The following FXR1 variants were observed in gnomAD, a reference collection of about 807,000 sequenced individuals.
FXR1 encodes RNA-binding protein FXR1.
In FXR1, 15 loss-of-function variants were observed where a neutral mutation model predicts 84.0. The observed-to-expected ratio is 0.18, with a 90% CI of 0.12 to 0.27. The LOEUF (loss-of-function observed/expected upper bound fraction) is 0.27. FXR1 is among the 10% of genes least tolerant of loss of function. The pLI is 1.00. For missense variants in FXR1, 480 were observed against 774.4 expected (o/e 0.62, Z 4.51); for synonymous variants, 245 against 250.7 (o/e 0.98, Z 0.21).
Position 180,979,758 on chromosome 3 carries a change from C to T in FXR1, c.*3466C>T, listed in dbSNP as rs980063341. ...CATTACACTGAACAGTAGGAAATTA[C>T]CACTTTTGTAAGGCTCAAAAATGAT... On this transcript the variant is annotated 3_prime_UTR_variant, in exon 17 of 17. Transcript: ENST00000357559. The T allele has an allele frequency of 6.6e-6, 1 of 152,106 alleles. No individual in the cohort carries two copies. Among genetic ancestry groups the T allele is most frequent in the South Asian group, 2.1e-4 (1 of 4,816 alleles). 9.4% of individuals were successfully genotyped at this position (152,106 alleles called of 1,614,324 possible).
rs1260346148 is a variant in FXR1, at chr3:180,977,110, AAT to A, written c.*821_*822del. 6.7e-6 allele frequency: 1 copy of A among 148,228 alleles called. No homozygotes were observed. Among genetic ancestry groups the A allele is most frequent in the Non-Finnish European group, 1.5e-5 (1 of 67,088 alleles). 9.2% of individuals were successfully genotyped at this position (148,228 alleles called of 1,614,324 possible). A position where few individuals can be genotyped will look rare whatever the true frequency, so the allele number is the denominator to read the frequency against. ...TTTTTATTTCGGTTGTTTGATGTGCAATATGTTTTTGTATGCAGGTAGTAAAT... is the reference window on the plus strand; with the variant it reads ...TTTTTATTTCGGTTGTTTGATGTGCAATGTTTTTGTATGCAGGTAGTAAAT... On this transcript the variant is annotated 3_prime_UTR_variant, in exon 17 of 17. Transcript: ENST00000357559.
intron 15 of FXR1, chr3:180,971,341 AGT>A (rs1260737129): frequency 5.8e-6 from 1 of 172,920 alleles, no homozygotes; most frequent in Non-Finnish European, 1.3e-5. Flanking sequence ...CTTCCTTCAC[AGT>A]GTGTTAGTAA....
intron 3 of FXR1, among the ~76,000 whole-genome samples, chr3:180,938,971 C>A (rs996439211): frequency 6.6e-6 from 1 of 152,030 alleles, no homozygotes; most frequent in Admixed American, 6.6e-5. Flanking sequence ...TCTCAGTTCA[C>A]TGCAACCTCC....
At chr3:180,952,019 T>TA (rs1449913325) in intron 8 of FXR1, among the ~76,000 whole-genome samples, 9 of 152,286 alleles carry the variant, frequency 5.9e-5, no homozygotes, top group African/African-American at 2.2e-4. Flanking sequence ...CAGGGCAACA[T>TA]AGAGTTTAGA....
intron 3 of FXR1, among the ~76,000 whole-genome samples, chr3:180,939,155 A>G (rs1261538529): frequency 6.6e-6 from 1 of 152,008 alleles, no homozygotes; most frequent in African/African-American, 2.4e-5. Flanking sequence ...CGGCCTCCCA[A>G]AGTGCTGAGA....
At chr3:180,970,965 GTTTAA>G (rs1713487718) in intron 15 of FXR1, 2 of 221,586 alleles carry the variant, frequency 9.0e-6, no homozygotes, top group South Asian at 1.2e-4. Flanking sequence ...TTATTTTTGT[GTTTAA>G]TTAAAAGTTT....
At position 180,948,107 on chromosome 3, in the gene FXR1, A is replaced by G. The variant is rs578143796; in HGVS notation, c.270+171A>G. On this transcript the variant is annotated intron_variant, in intron 4 of 16. Transcript: ENST00000357559. ...TTTCTGTTTGTGTTCTGTATTGGCAAACACCAAAGCTGCTCTCCAGAGGTA... is the reference window on the plus strand; with the variant it reads ...TTTCTGTTTGTGTTCTGTATTGGCAGACACCAAAGCTGCTCTCCAGAGGTA... 3 of 607,896 alleles carry G rather than the reference A, an allele frequency of 4.9e-6. No homozygotes were observed. The highest frequency in any genetic ancestry group is 3.7e-5 in the African/African-American group (2 of 53,866). 37.7% of individuals were successfully genotyped at this position (607,896 alleles called of 1,614,324 possible).
rs1480471880 is a variant in FXR1 at position 180,963,080 on chromosome 3, C to T, written c.1188C>T (p.Thr396=). Residue 396 remains threonine, a synonymous_variant, in exon 13 of 17, where the codon ACC becomes ACT. Coordinates refer to ENST00000357559, the MANE Select transcript of FXR1 (RefSeq NM_005087.4). The part of the protein sequence containing the change: ...RGRGRRGPNY[T]SGYGTNSELS... ...GAGGTCGTCGGGGACCTAATTACAC[C>T]TCCGGTTATGGTAAAAAAAAATTTT... The T allele has an allele frequency of 6.6e-6, 10 of 1,507,470 alleles. No individual in the cohort carries two copies. Among genetic ancestry groups the T allele is most frequent in the Non-Finnish European group, 9.1e-6 (10 of 1,103,366 alleles). The allele number at this position is 1,507,470 out of a possible 1,614,324, so 93.4% of individuals were successfully genotyped here.
At chr3:180,974,017 A>G (rs544209362) in intron 15 of FXR1, among the ~76,000 whole-genome samples, 1 of 152,190 alleles carries the variant, frequency 6.6e-6, no homozygotes, top group Non-Finnish European at 1.5e-5. Context: ...TTACATAATT[A>G]ACTTGCTCCC....
At chr3:180,919,295 T>G (rs1469278494) in intron 1 of FXR1, among the ~76,000 whole-genome samples, 1 of 150,914 alleles carries the variant, frequency 6.6e-6, no homozygotes, top group East Asian at 1.9e-4. Flanking sequence ...TTTGTTTTTT[T>G]TTTTTTTGAG....
intron 1 of FXR1, chr3:180,927,632 C>A: frequency 1.7e-6 from 1 of 572,590 alleles, no homozygotes; most frequent in Non-Finnish European, 3.1e-6. Flanking sequence ...ATCCTGTGTA[C>A]TTTTTTCCCC....
chr3:180,924,464 A>G (rs999446942), intron 1 of FXR1, among the ~76,000 whole-genome samples: 6 of 152,210 alleles, frequency 3.9e-5, no homozygotes, highest in African/African-American at 1.2e-4. Flanking sequence ...CATTTTGAAA[A>G]TCCTGTTAAA....
Position 180,982,516 on chromosome 3 carries a change from C to CTT in FXR1, c.*6225_*6226dup, listed in dbSNP as rs1381715951. ...GGTATTTTTAAGTGGTTTCCATTGT[C>CTT]TTAACACCTGTCTTAAAACGGGTAT... is the stretch of plus-strand genomic sequence containing the variant. On this transcript the variant is annotated 3_prime_UTR_variant, in exon 17 of 17. Coordinates refer to ENST00000357559, the MANE Select transcript of FXR1 (RefSeq NM_005087.4). 1 of 152,126 alleles carries CTT rather than the reference C, an allele frequency of 6.6e-6. No individual in the cohort carries two copies. Among genetic ancestry groups the CTT allele is most frequent in the Non-Finnish European group, 1.5e-5 (1 of 67,980 alleles). 9.4% of individuals were successfully genotyped at this position (152,126 alleles called of 1,614,324 possible). A position where few individuals can be genotyped will look rare whatever the true frequency, so the allele number is the denominator to read the frequency against.
chr3:180,968,445 A>G (rs1713118783), intron 14 of FXR1, 191 bp downstream of exon 14: 2 of 540,522 alleles, frequency 3.7e-6, no homozygotes, highest in Non-Finnish European at 6.6e-6. Flanking sequence ...AGGTTTACTT[A>G]GAATATACTG....
intron 3 of FXR1, among the ~76,000 whole-genome samples, chr3:180,942,264 GCTA>G (rs1721204797): frequency 1.3e-5 from 2 of 151,122 alleles, no homozygotes; most frequent in South Asian, 4.2e-4. Context: ...TGTAGTCCCA[GCTA>G]CTCGGGAGGC....
chr3:180,956,022 C>T (rs977220921), intron 9 of FXR1, among the ~76,000 whole-genome samples: 1 of 152,134 alleles, frequency 6.6e-6, no homozygotes, highest in Non-Finnish European at 1.5e-5. Context: ...CAGTGTTTCC[C>T]TCCATAATGT....
chr3:180,951,109 A>C (rs147439919), intron 7 of FXR1, among the ~76,000 whole-genome samples, 189 bp from the exon 8 acceptor site: 1 of 151,752 alleles, frequency 6.6e-6, no homozygotes, highest in Non-Finnish European at 1.5e-5. Flanking sequence ...TGTATTTCCA[A>C]CTATTCAGGA....
At chr3:180,965,228 C>T (rs1347462120) in intron 13 of FXR1, among the ~76,000 whole-genome samples, 3 of 152,000 alleles carry the variant, frequency 2.0e-5, no homozygotes, top group African/African-American at 7.2e-5. Flanking sequence ...GTTGGTCAGG[C>T]TCGTCTCAAA....
At chr3:180,914,111 AGT>A (rs1187360018) in intron 1 of FXR1, among the ~76,000 whole-genome samples, 2 of 152,226 alleles carry the variant, frequency 1.3e-5, no homozygotes, top group Non-Finnish European at 2.9e-5. Flanking sequence ...AAGTAGGAAC[AGT>A]GCCTGTTGGA....
Sources: allele counts gnomAD v4.1 joint callset (sites outside exome capture counted in the v4.1 genomes callset), GRCh38; gene constraint gnomAD v4.1.1; transcripts MANE v1.5; gene names NCBI Gene and HGNC (gene_info 2026-07-23, HGNC 2026-07-21).